The following PLPPR1 variants were observed in gnomAD, a reference collection of about 807,000 sequenced individuals.
The protein encoded by PLPPR1 is phospholipid phosphatase related 1.
In PLPPR1, 10 loss-of-function variants were observed where a neutral mutation model predicts 33.1. The ratio of observed to expected loss-of-function variants is 0.30; its 90% confidence interval spans 0.19 to 0.51. The LOEUF (loss-of-function observed/expected upper bound fraction) is 0.51. PLPPR1 is among the 20% of genes least tolerant of loss of function. PLPPR1 has a pLI of 0.97. For synonymous variants in PLPPR1, 151 were observed against 151.0 expected (o/e 1.00, Z 0.00); for missense variants, 304 against 408.1 (o/e 0.74, Z 2.20).
intron 2 of PLPPR1, among the ~76,000 whole-genome samples, chr9:101,250,747 T>G (rs1827700317): frequency 1.3e-5 from 2 of 152,110 alleles, no homozygotes. Context: ...GTGAGTTAGA[T>G]AGAATCACCA....
intron 3 of PLPPR1, among the ~76,000 whole-genome samples, chr9:101,274,083 C>A (rs1828145554): frequency 6.6e-6 from 1 of 152,150 alleles, no homozygotes; most frequent in Non-Finnish European, 1.5e-5. Flanking sequence ...CCATGGAAGT[C>A]AATGTGATTT....
chr9:101,302,621 A>T (rs1828774624), intron 4 of PLPPR1, among the ~76,000 whole-genome samples: 2 of 152,194 alleles, frequency 1.3e-5, no homozygotes, highest in African/African-American at 2.4e-5. Context: ...GTTGAATCAG[A>T]ATGTGGTTGG....
intron 1 of PLPPR1, among the ~76,000 whole-genome samples, chr9:101,122,142 G>A (rs75190170): frequency 1.4e-3 from 220 of 152,278 alleles, no homozygotes; most frequent in African/African-American, 5.0e-3. Flanking sequence ...TGCTTTGAAC[G>A]TGTATAAAGG....
At chr9:101,289,892 T>A (rs189352612) in intron 4 of PLPPR1, among the ~76,000 whole-genome samples, 1 of 152,354 alleles carries the variant, frequency 6.6e-6, no homozygotes, top group Admixed American at 6.5e-5. Flanking sequence ...TCATAAAAGC[T>A]GATTCTTAAG....
At chr9:101,054,071 C>A (rs1225389864) in intron 1 of PLPPR1, among the ~76,000 whole-genome samples, 1 of 152,076 alleles carries the variant, frequency 6.6e-6, no homozygotes, top group African/African-American at 2.4e-5. Context: ...GTAGTTTCAG[C>A]TACTCAGGAG....
intron 2 of PLPPR1, among the ~76,000 whole-genome samples, chr9:101,263,902 T>A (rs954600347): frequency 6.6e-6 from 1 of 152,108 alleles, no homozygotes; most frequent in African/African-American, 2.4e-5. Context: ...CTTTTCTTCC[T>A]CCCTCTCTTC....
At chr9:101,133,117 T>G (rs1188963444) in intron 1 of PLPPR1, among the ~76,000 whole-genome samples, 1 of 152,190 alleles carries the variant, frequency 6.6e-6, no homozygotes. Flanking sequence ...ATGATTTTTT[T>G]CTTTCTTTTT....
chr9:101,189,069 A>G (rs1252137019), intron 2 of PLPPR1, among the ~76,000 whole-genome samples: 2 of 152,112 alleles, frequency 1.3e-5, no homozygotes, highest in South Asian at 2.1e-4. Flanking sequence ...TGTGAGCTAA[A>G]TATGAGTGAC....
At chr9:101,282,115 A>AC (rs1478897354) in intron 3 of PLPPR1, among the ~76,000 whole-genome samples, 3 of 152,196 alleles carry the variant, frequency 2.0e-5, no homozygotes, top group African/African-American at 7.2e-5. Context: ...AGAGAAGGAC[A>AC]CAACAACACA....
intron 1 of PLPPR1, among the ~76,000 whole-genome samples, chr9:101,133,015 T>G (rs1170463858): frequency 6.6e-6 from 1 of 152,212 alleles, no homozygotes; most frequent in Non-Finnish European, 1.5e-5. Flanking sequence ...GCTGTGCAAC[T>G]GAATTAGTGT....
intron 2 of PLPPR1, among the ~76,000 whole-genome samples, chr9:101,216,845 C>G (rs1023145095): frequency 1.3e-5 from 2 of 151,998 alleles, no homozygotes; most frequent in Non-Finnish European, 2.9e-5. Flanking sequence ...GTTGTGATGA[C>G]CAAAAATGTG....
At chr9:101,238,133 A>G (rs566114539) in intron 2 of PLPPR1, among the ~76,000 whole-genome samples, 3 of 138,768 alleles carry the variant, frequency 2.2e-5, no homozygotes, top group Non-Finnish European at 3.1e-5. Context: ...ATATATATAC[A>G]TATACACACA....
chr9:101,038,450 A>T (rs1355531133), intron 1 of PLPPR1, among the ~76,000 whole-genome samples: 2 of 152,166 alleles, frequency 1.3e-5, no homozygotes, highest in Non-Finnish European at 2.9e-5. Flanking sequence ...GGACTTAATA[A>T]ATGGCAAAAG....
At chr9:101,272,018 A>G (rs1010867500) in intron 3 of PLPPR1, among the ~76,000 whole-genome samples, 2 of 150,858 alleles carry the variant, frequency 1.3e-5, no homozygotes, top group Non-Finnish European at 2.9e-5. Flanking sequence ...AGTCAGACAT[A>G]CAAATACAGT....
intron 1 of PLPPR1, among the ~76,000 whole-genome samples, chr9:101,085,417 T>A (rs1830664128): frequency 6.6e-6 from 1 of 151,988 alleles, no homozygotes; most frequent in Non-Finnish European, 1.5e-5. Context: ...GCCTGTGAGG[T>A]CAGTAAGGAA....
intron 1 of PLPPR1, among the ~76,000 whole-genome samples, chr9:101,039,399 G>A (rs1830049324): frequency 6.6e-6 from 1 of 152,078 alleles, no homozygotes; most frequent in African/African-American, 2.4e-5. Flanking sequence ...TCCACAACAT[G>A]ACCAATGAAA....
intron 1 of PLPPR1, among the ~76,000 whole-genome samples, chr9:101,029,518 G>C (rs1587998945): frequency 6.6e-6 from 1 of 152,308 alleles, no homozygotes; most frequent in East Asian, 1.9e-4. Context: ...CTCCCACCCG[G>C]GCGGGGGTTG....
intron 2 of PLPPR1, among the ~76,000 whole-genome samples, chr9:101,200,905 A>G (rs1477088449): frequency 7.2e-5 from 11 of 152,238 alleles, no homozygotes; most frequent in African/African-American, 1.9e-4. Flanking sequence ...ACTACATGTT[A>G]TTAGACCCAA....
At chr9:101,108,385 C>A (rs1009993986) in intron 1 of PLPPR1, among the ~76,000 whole-genome samples, 2 of 152,124 alleles carry the variant, frequency 1.3e-5, no homozygotes, top group African/African-American at 4.8e-5. Flanking sequence ...ATCTGGTACC[C>A]AGTAGGTGCT....
Sources: gnomAD v4.1 joint callset for allele counts (sites outside exome capture counted in the v4.1 genomes callset) on GRCh38, gnomAD v4.1.1 for gene constraint, MANE v1.5 for transcripts, NCBI Gene and HGNC (gene_info 2026-07-23, HGNC 2026-07-21) for gene names.